Variants in ZNF185 observed in about 807,000 individuals in gnomAD.
The protein encoded by ZNF185 is zinc finger protein 185 with LIM domain, also known as zinc finger protein 185.
Under a neutral mutation model 58.6 loss-of-function variants are expected in ZNF185, and 56 were observed. The ratio of observed to expected loss-of-function variants is 0.95; its 90% CI spans 0.77 to 1.19. The LOEUF is 1.19. Among genes scored for constraint, ZNF185 ranks in the 50% most tolerant of loss-of-function variants. ZNF185 has a pLI of 0.00. For synonymous variants in ZNF185, 230 were observed against 215.9 expected (o/e 1.07, Z -0.57); for missense variants, 627 against 573.5 (o/e 1.09, Z -0.95).
the ZNF185 span, among the ~76,000 whole-genome samples, chrX:152,906,586 G>T: frequency 1.8e-5 from 2 of 112,814 alleles, no homozygotes; most frequent in Admixed American, 1.9e-4. Context: ...CCCCCTTCTT[G>T]CCCTGTCCAG....
intron 5 of ZNF185, 113 bp from the exon 7 acceptor site, chrX:152,917,952 A>G (rs1381797081): frequency 8.0e-6 from 9 of 1,124,003 alleles, no homozygotes; most frequent in Non-Finnish European, 9.4e-6. Context: ...GCAAAGAGGA[A>G]AGGCTCCCAG....
Position 152,918,969 on chromosome X carries a change from C to A in ZNF185, c.432-14C>A. 3.4e-6 allele frequency: 4 copies of A among 1,192,345 alleles called. No individual in the cohort carries two copies. Among genetic ancestry groups the A allele is most frequent in the Non-Finnish European group, 4.5e-6 (4 of 880,224 alleles). ...GGCAGCCTATGACAGGAAAGCGCCT[C>A]TCCCCTCTCTTAGGGCACCCTACAA... On this transcript the variant is annotated splice_polypyrimidine_tract_variant and intron_variant, in intron 6 of 22. Coordinates refer to ENST00000449285, the Ensembl canonical transcript of ZNF185.
intron 11 of ZNF185, among the ~76,000 whole-genome samples, chrX:152,924,370 C>T (rs1940419804): frequency 9.0e-6 from 1 of 111,293 alleles, no homozygotes; most frequent in Admixed American, 9.5e-5. Context: ...ATCCTCCTGC[C>T]TTAGCCTCCC....
At chrX:152,919,526 G>A (rs1939270416) in intron 7 of ZNF185, among the ~76,000 whole-genome samples, 1 of 111,467 alleles carries the variant, frequency 9.0e-6, no homozygotes, top group South Asian at 3.8e-4. Context: ...GTGGGAGTGT[G>A]CCCCATGCTG....
chrX:152,929,392 T>C (rs1423376569), intron 12 of ZNF185, among the ~76,000 whole-genome samples: 2 of 110,971 alleles, frequency 1.8e-5, no homozygotes, highest in Non-Finnish European at 3.8e-5. Flanking sequence ...GGCCAGGGAC[T>C]GGGGAGAGAA....
At chrX:152,918,121 G>A in exon 6 of ZNF185, 1 of 1,196,351 alleles carries the variant, frequency 8.4e-7, no homozygotes, top group Non-Finnish European at 1.1e-6. Context: ...TCCTCCTCTG[G>A]CTACAAGATG....
chrX:152,906,848 A>G, the ZNF185 span, among the ~76,000 whole-genome samples: 1 of 110,734 alleles, frequency 9.0e-6, no homozygotes, highest in African/African-American at 3.3e-5. Context: ...CACTGAGACA[A>G]GCCCTGACAC....
chrX:152,933,187 C>T (rs183132697), intron 14 of ZNF185, among the ~76,000 whole-genome samples: 100 of 112,814 alleles, frequency 8.9e-4, no homozygotes, highest in African/African-American at 3.2e-3. Context: ...TGCCACTGGC[C>T]CTCAAGCTCC....
the ZNF185 span, among the ~76,000 whole-genome samples, chrX:152,900,722 G>T: frequency 8.9e-6 from 1 of 112,575 alleles, no homozygotes; most frequent in Non-Finnish European, 1.9e-5. Flanking sequence ...AGAGGAGGAG[G>T]GGCTGAACTG....
intron 17 of ZNF185, among the ~76,000 whole-genome samples, chrX:152,961,243 G>C (rs1556910084): frequency 9.0e-6 from 1 of 111,712 alleles, no homozygotes; most frequent in Non-Finnish European, 1.9e-5. Flanking sequence ...GCTTTGATAG[G>C]GTGGCTTCAG....
the ZNF185 span, among the ~76,000 whole-genome samples, chrX:152,903,069 G>T: frequency 1.8e-5 from 2 of 111,152 alleles, no homozygotes; most frequent in African/African-American, 6.6e-5. Context: ...GTAGGCGGGG[G>T]TGTTCCTAGG....
At chrX:152,953,445 C>G (rs2048491800) in intron 16 of ZNF185, among the ~76,000 whole-genome samples, 2 of 111,847 alleles carry the variant, frequency 1.8e-5, no homozygotes, top group Non-Finnish European at 3.8e-5. Context: ...ACCTGTAATC[C>G]CAGCACTTGA....
chrX:152,948,640 T>C (rs782310119), intron 16 of ZNF185, among the ~76,000 whole-genome samples: 1 of 111,689 alleles, frequency 9.0e-6, no homozygotes, highest in South Asian at 3.7e-4. Flanking sequence ...CCTTTGCTGA[T>C]TTTGCTTCGT....
At chrX:152,900,017 G>C in the ZNF185 span, among the ~76,000 whole-genome samples, 1 of 111,711 alleles carries the variant, frequency 9.0e-6, no homozygotes, top group Non-Finnish European at 1.9e-5. Flanking sequence ...AGCAGTGCTT[G>C]TCCACCTCAC....
intron 16 of ZNF185, among the ~76,000 whole-genome samples, chrX:152,957,632 G>A (rs1603302289): frequency 8.9e-6 from 1 of 112,311 alleles, no homozygotes; most frequent in African/African-American, 3.2e-5. Flanking sequence ...ACAGGATGGC[G>A]ACCTTGTCCA....
chrX:152,956,900 A>G (rs2048890615), intron 16 of ZNF185, among the ~76,000 whole-genome samples: 1 of 112,520 alleles, frequency 8.9e-6, no homozygotes, highest in African/African-American at 3.2e-5. Flanking sequence ...CAGTTTGAAC[A>G]TAAGGTAAGA....
chrX:152,942,876 C>T (rs782489054), intron 15 of ZNF185, among the ~76,000 whole-genome samples: 3 of 111,187 alleles, frequency 2.7e-5, no homozygotes, highest in East Asian at 5.6e-4. Flanking sequence ...GAGGCCGAGG[C>T]GGGAAGACCA....
exon 21 of ZNF185, chrX:152,969,399 G>C (rs1556917139): frequency 8.3e-7 from 1 of 1,206,959 alleles, no homozygotes; most frequent in Admixed American, 2.2e-5. Flanking sequence ...GGAGGGATCT[G>C]TACTTACTGC....
chrX:152,949,511 G>C (rs1171227350), intron 16 of ZNF185, among the ~76,000 whole-genome samples: 1 of 112,313 alleles, frequency 8.9e-6, no homozygotes, highest in African/African-American at 3.2e-5. Context: ...TCATCAGGAA[G>C]GGTCAACTAT....
Sources: allele counts gnomAD v4.1 joint callset (sites outside exome capture counted in the v4.1 genomes callset), GRCh38; gene constraint gnomAD v4.1.1; transcripts MANE v1.5; gene names NCBI Gene and HGNC (gene_info 2026-07-23, HGNC 2026-07-21).